COL1A1: variants seen among roughly 807,000 people sequenced by gnomAD.
COL1A1 encodes collagen type I alpha 1 chain, also known as collagen alpha-1(I) chain.
COL1A1 carries 21 observed loss-of-function variants against 195.7 expected under a neutral mutation model. That is an observed-to-expected ratio of 0.11 (90% CI 0.08 to 0.15). COL1A1 has a LOEUF of 0.15. Among genes scored for constraint, COL1A1 ranks in the 10% least tolerant of loss-of-function variants. The probability of loss-of-function intolerance (pLI) is 1.00; values close to 1 mark genes in which losing one functional copy is unlikely to be tolerated. For synonymous variants in COL1A1, 749 were observed against 747.3 expected, an observed-to-expected ratio of 1.00 and a Z score of -0.04; for missense variants, 1,365 against 2,051.0, an observed-to-expected ratio of 0.67 and a Z score of 6.46.
rs1346691372 is a variant in COL1A1, at chr17:50,194,020, G to A, written c.1690C>T (p.Arg564Cys). The A allele has an allele frequency of 2.5e-6, 4 of 1,613,922 alleles. No individual in the cohort carries two copies. Among genetic ancestry groups the A allele is most frequent in the African/African-American group, 2.7e-5 (2 of 74,886 alleles). ...GPPGPAGQDG[R>C]PGPPGPPGAR... ...CCAGGTGGGCCTGGGGGTCCGGGGCGACCATCTTGACCGGCGGGACCCTAA... is the reference window on the plus strand; with the variant it reads ...CCAGGTGGGCCTGGGGGTCCGGGGCAACCATCTTGACCGGCGGGACCCTAA... Residue 564 changes from arginine (R) to cysteine (C), a missense_variant, in exon 25 of 51, where the codon CGC (arginine) becomes TGC (cysteine). Physicochemically the swap from Arg to Cys is radical, Grantham distance 180. Coordinates refer to ENST00000225964, the MANE Select transcript of COL1A1 (RefSeq NM_000088.4). This position sits in a 1 kb window ranked among gnomAD's most constrained non-coding sequence, Gnocchi z 6.8.
Position 50,186,944 on chromosome 17 carries a change from T to G in COL1A1, c.3532-22A>C, listed in dbSNP as rs1482295527. On this transcript the variant is annotated intron_variant, in intron 47 of 50. Coordinates refer to ENST00000225964, the MANE Select transcript of COL1A1 (RefSeq NM_000088.4). This position sits in a 1 kb window ranked among gnomAD's most constrained non-coding sequence, Gnocchi z 5.3. ...GACCCTGCACAGAGAGGGAAGAGAG[T>G]GGGGATTACCGGCATCCAAGTGCTT... is the stretch of plus-strand genomic sequence containing the variant. 1 of 1,609,442 alleles carries G rather than the reference T, an allele frequency of 6.2e-7. No homozygotes were observed.
intron 9 of COL1A1, 43 bp from the exon 10 acceptor site, chr17:50,197,276 C>T: frequency 6.2e-7 from 1 of 1,601,344 alleles, no homozygotes; most frequent in Non-Finnish European, 8.5e-7. Flanking sequence ...GCCTCCCCAC[C>T]ACCGCCTAGG....
chr17:50,186,809 G>A lies in COL1A1; in HGVS notation c.3645C>T (p.Tyr1215=). The change falls in exon 48 of 51, where the codon TAC becomes TAT. Residue 1215 remains tyrosine (Y), a synonymous_variant. Transcript: ENST00000225964. This position sits in a 1 kb window ranked among gnomAD's most constrained non-coding sequence, Gnocchi z 5.3. ...CCACATTGGCATCATCAGCCCGGTA[G>A]TAGCGGCCACCATCGTGAGCCTTCT... ...PQEKAHDGGR[Y]YRADDANVVR... is the part of the protein sequence containing the mutation. 1.7e-5 allele frequency: 27 copies of A among 1,614,194 alleles called. No individual in the cohort carries two copies. Among genetic ancestry groups the A allele is most frequent in the Non-Finnish European group, 2.3e-5 (27 of 1,180,050 alleles).
Position 50,190,575 on chromosome 17 carries a change from G to A in COL1A1, c.2365C>T (p.Pro789Ser). 1.9e-6 allele frequency: 3 copies of A among 1,613,240 alleles called. No individual in the cohort carries two copies. The highest frequency in any genetic ancestry group is 2.5e-6 in the Non-Finnish European group (3 of 1,179,514). Reference protein sequence around the residue: ...GDKGESGPSGPAGPTGARGAP... With the variant: ...GDKGESGPSGSAGPTGARGAP... ...CCACGAGCTCCAGTGGGACCAGCAG[G>A]GCCGCTGGGACCACTTTCACCCTGA... Residue 789 changes from proline (P) to serine (S), a missense_variant, in exon 34 of 51, where the codon CCT becomes TCT. Coordinates refer to ENST00000225964, the MANE Select transcript of COL1A1 (RefSeq NM_000088.4). This position sits in a 1 kb window ranked among gnomAD's most constrained non-coding sequence, Gnocchi z 4.7.
chr17:50,190,268 TCCCTCGAGG>T lies in COL1A1; in HGVS notation c.2451+50_2451+58del. ...GGCTGACGCCTTTGTCCTCATTCCG[TCCCTCGAGG>T]TCCCAGGTCCCAGTCGGTGATGAAA... On this transcript the variant is annotated intron_variant, in intron 35 of 50. Coordinates refer to ENST00000225964, the MANE Select transcript of COL1A1 (RefSeq NM_000088.4). This position sits in a 1 kb window ranked among gnomAD's most constrained non-coding sequence, Gnocchi z 4.7. The T allele has an allele frequency of 2.2e-6, 3 of 1,339,686 alleles. No homozygotes were observed. The highest frequency in any genetic ancestry group is 3.2e-6 in the Non-Finnish European group (3 of 931,868). The allele number at this position is 1,339,686 out of a possible 1,614,324, so 83.0% of individuals were successfully genotyped here.
At position 50,198,416 on chromosome 17, in the gene COL1A1, T is replaced by C. The variant is rs1298483391; in HGVS notation, c.543+17A>G. The C allele has an allele frequency of 6.2e-7, 1 of 1,611,406 alleles. No homozygotes were observed. Among genetic ancestry groups the C allele is most frequent in the East Asian group, 2.2e-5 (1 of 44,876 alleles). On this transcript the variant is annotated intron_variant, in intron 6 of 50. Transcript: ENST00000225964. Reference sequence around the variant, plus strand: ...CCATTCTCTCTTCTGTCATCCATGCTCCCCCTGCTGGCTCACCATGGGGCC... The same window carrying C: ...CCATTCTCTCTTCTGTCATCCATGCCCCCCCTGCTGGCTCACCATGGGGCC...
chr17:50,197,246 G>GA lies in COL1A1; in HGVS notation c.697-14dup. ...TTCCAGCTTCCCCCTGAGAGGGAGA[G>GA]AAAAGACCATCATGCCTCTGCCTCC... is the stretch of plus-strand genomic sequence containing the variant. On this transcript the variant is annotated splice_polypyrimidine_tract_variant and intron_variant, in intron 9 of 50. Coordinates refer to ENST00000225964, the MANE Select transcript of COL1A1 (RefSeq NM_000088.4). 6.2e-7 allele frequency: 1 copy of GA among 1,612,368 alleles called. No homozygotes were observed. Among genetic ancestry groups the GA allele is most frequent in the East Asian group, 2.2e-5 (1 of 44,890 alleles).
Position 50,187,962 on chromosome 17 carries a change from C to T in COL1A1, c.3283G>A (p.Asp1095Asn). Residue 1095 changes from aspartate to asparagine, a missense_variant, in exon 45 of 51, where the codon GAC becomes AAC. This residue lies in a region of COL1A1 where 671 missense variants were observed against 1,099.9 expected (regional missense o/e 0.61). Coordinates refer to ENST00000225964, the MANE Select transcript of COL1A1 (RefSeq NM_000088.4). ...GPAGPQGPRGDKGETGEQGDR... is the reference protein window; with the variant it reads ...GPAGPQGPRGNKGETGEQGDR... The stretch of plus-strand genomic sequence containing the variant: ...CCCTGTTCGCCTGTCTCACCCTTGT[C>T]ACCACGGGGGCCTTGGGGTCCCTAG... 1 of 1,614,164 alleles carries T rather than the reference C, an allele frequency of 6.2e-7. No individual in the cohort carries two copies. Among genetic ancestry groups the T allele is most frequent in the Non-Finnish European group, 8.5e-7 (1 of 1,180,008 alleles).
intron 8 of COL1A1, 52 bp from the exon 9 acceptor site, chr17:50,197,837 GA>G: frequency 6.3e-7 from 1 of 1,598,380 alleles, no homozygotes; most frequent in Non-Finnish European, 8.6e-7. Context: ...AAAAGAAGGG[GA>G]AGGCTGGGAT....
Position 50,195,165 on chromosome 17 carries a change from C to T in COL1A1, c.1300-65G>A. On this transcript the variant is annotated intron_variant, in intron 19 of 50. Coordinates refer to ENST00000225964, the MANE Select transcript of COL1A1 (RefSeq NM_000088.4). This position sits in a 1 kb window ranked among gnomAD's most constrained non-coding sequence, Gnocchi z 4.3. The stretch of plus-strand genomic sequence containing the variant: ...CGCTCAGTTGGCCTGCGTCTTCCTG[C>T]TCCCCAGATGAGAGCCGCACTGGAG... The T allele has an allele frequency of 6.2e-7, 1 of 1,606,954 alleles. No individual in the cohort carries two copies. Among genetic ancestry groups the T allele is most frequent in the Non-Finnish European group, 8.5e-7 (1 of 1,173,804 alleles).
chr17:50,190,963 C>A lies in COL1A1; in HGVS notation c.2236-39G>T. ...TAAGCTTGAGATTTCCAGTGTGGGG[C>A]AAGGAGGTGACCTATAGTGTTCTGC... On this transcript the variant is annotated intron_variant, in intron 32 of 50. Coordinates refer to ENST00000225964, the MANE Select transcript of COL1A1 (RefSeq NM_000088.4). This position sits in a 1 kb window ranked among gnomAD's most constrained non-coding sequence, Gnocchi z 4.7. 1 of 1,587,744 alleles carries A rather than the reference C, an allele frequency of 6.3e-7. No individual in the cohort carries two copies. The highest frequency in any genetic ancestry group is 2.2e-5 in the East Asian group (1 of 44,672).
At position 50,199,538 on chromosome 17, in the gene COL1A1, T is replaced by A. The variant is rs1344573268; in HGVS notation, c.333+18A>T. On this transcript the variant is annotated intron_variant, in intron 3 of 50. Transcript: ENST00000225964. The stretch of plus-strand genomic sequence containing the variant: ...GTCACGGGCCGCGCAGGGGCAAAAT[T>A]CGAGGGCAGGAGATTACCTCGACGC... 1 of 1,614,082 alleles carries A rather than the reference T, an allele frequency of 6.2e-7. No homozygotes were observed. Among genetic ancestry groups the A allele is most frequent in the Admixed American group, 1.7e-5 (1 of 60,020 alleles).
At chr17:50,198,870 C>T (rs988373056) in intron 5 of COL1A1, among the ~76,000 whole-genome samples, 4 of 152,246 alleles carry the variant, frequency 2.6e-5, no homozygotes, top group East Asian at 3.9e-4. Context: ...AGGACATTAT[C>T]GGGACATCGG....
rs370459791 is a variant in COL1A1, at chr17:50,195,558, G to A, written c.1155+9C>T. On this transcript the variant is annotated intron_variant, in intron 17 of 50. Coordinates refer to ENST00000225964, the MANE Select transcript of COL1A1 (RefSeq NM_000088.4). This position sits in a 1 kb window ranked among gnomAD's most constrained non-coding sequence, Gnocchi z 4.3. ...GTGGCAAAGGGGACACTGAGTCGGG[G>A]ACACTTACAGCAGGGCCAGCAGCAC... 5 of 1,613,910 alleles carry A rather than the reference G, an allele frequency of 3.1e-6. No individual in the cohort carries two copies. Among genetic ancestry groups the A allele is most frequent in the Non-Finnish European group, 4.2e-6 (5 of 1,179,956 alleles).
At position 50,187,389 on chromosome 17, in the gene COL1A1, C is replaced by G; in HGVS notation, c.3423+95G>C. The G allele has an allele frequency of 2.3e-6, 3 of 1,294,700 alleles. No homozygotes were observed. The South Asian group carries it at 3.7e-5, about 16-fold the overall frequency. 80.2% of individuals were successfully genotyped at this position (1,294,700 alleles called of 1,614,324 possible). A position where few individuals can be genotyped will look rare whatever the true frequency, so the allele number is the denominator to read the frequency against. On this transcript the variant is annotated intron_variant, in intron 46 of 50. Coordinates refer to ENST00000225964, the MANE Select transcript of COL1A1 (RefSeq NM_000088.4). ...CCACTCCCTGTCCCTGAACCCTTCT[C>G]CAGAGAGGCAAAGGGTGCCTGGGTC...
Position 50,184,585 on chromosome 17 carries a change from T to TTG in COL1A1, c.*916_*917insCA. Reference sequence around the variant, plus strand: ...TCTCAATTTCTATAGCACCAGTGATTCCCTCCCCACCCCACCCATCACATA... The same window carrying TTG: ...TCTCAATTTCTATAGCACCAGTGATTTGCCCTCCCCACCCCACCCATCACATA... On this transcript the variant is annotated 3_prime_UTR_variant, in exon 51 of 51. Coordinates refer to ENST00000225964, the MANE Select transcript of COL1A1 (RefSeq NM_000088.4). 8.9e-6 allele frequency: 2 copies of TTG among 225,290 alleles called. No individual in the cohort carries two copies. The highest frequency in any genetic ancestry group is 1.8e-5 in the Non-Finnish European group (2 of 113,322). The allele number at this position is 225,290 out of a possible 1,614,324, so 14.0% of individuals were successfully genotyped here. A position where few individuals can be genotyped will look rare whatever the true frequency, so the allele number is the denominator to read the frequency against.
intron 5 of COL1A1, 55 bp from the exon 6 acceptor site, chr17:50,198,559 G>T (rs1332811560): frequency 2.9e-6 from 4 of 1,398,396 alleles, no homozygotes; most frequent in Admixed American, 1.9e-5. Flanking sequence ...GGCAGAAGAC[G>T]GCACTGAGGA....
Position 50,196,319 on chromosome 17 carries a change from G to A in COL1A1, c.952C>T (p.Pro318Ser), listed in dbSNP as rs1273349782. The A allele has an allele frequency of 1.2e-6, 2 of 1,609,012 alleles. No individual in the cohort carries two copies. The highest frequency in any genetic ancestry group is 1.7e-5 in the Admixed American group (1 of 58,936). Residue 318 changes from proline to serine, a missense_variant, in exon 14 of 51, where the codon CCT (proline) becomes TCT (serine). Transcript: ENST00000225964. ...AAGGGGCCAGGAGTACTTACAGCAG[G>A]GCCAGGGGCTCCAGGGCGACCTCTC... ...GERGRPGAPG[P>S]AGARGNDGAT...
rs762076799 is a variant in COL1A1, at chr17:50,201,515, T to C, written c.-2A>G. On this transcript the variant is annotated 5_prime_UTR_variant, in exon 1 of 51. Transcript: ENST00000225964. ...CCGGAGGTCCACAAAGCTGAACATGTCTAGACCCTAGACATGTAGACTCTT... is the reference window on the plus strand; with the variant it reads ...CCGGAGGTCCACAAAGCTGAACATGCCTAGACCCTAGACATGTAGACTCTT... 2 of 1,610,756 alleles carry C rather than the reference T, an allele frequency of 1.2e-6. No individual in the cohort carries two copies. The highest frequency in any genetic ancestry group is 1.7e-6 in the Non-Finnish European group (2 of 1,179,820).
Sources: allele counts gnomAD v4.1 joint callset (sites outside exome capture counted in the v4.1 genomes callset), GRCh38; gene constraint gnomAD v4.1.1; regional missense constraint gnomAD v4.1.1; non-coding constraint Gnocchi (gnomAD v3.1); transcripts MANE v1.5; gene names NCBI Gene and HGNC (gene_info 2026-07-23, HGNC 2026-07-21).